The following ANO4 variants were observed in gnomAD, a reference collection of about 807,000 sequenced individuals.
The protein encoded by ANO4 is anoctamin 4, also known as anoctamin-4.
ANO4 carries 69 observed loss-of-function variants against 141.9 expected under a neutral mutation model. That is an observed-to-expected ratio of 0.49 (90% CI 0.40 to 0.59). The LOEUF (loss-of-function observed/expected upper bound fraction) is 0.59. Among genes scored for constraint, ANO4 ranks in the 20% least tolerant of loss-of-function variants. ANO4 has a pLI of 0.00. For missense variants in ANO4, 894 were observed against 1,162.2 expected, an observed-to-expected ratio of 0.77 and a Z score of 3.36; for synonymous variants, 350 against 394.3, an observed-to-expected ratio of 0.89 and a Z score of 1.33.
At chr12:101,000,041 T>G (rs1006151302) in intron 8 of ANO4, among the ~76,000 whole-genome samples, 3 of 134,310 alleles carry the variant, frequency 2.2e-5, no homozygotes, top group African/African-American at 8.4e-5. Flanking sequence ...AGAGCGAGAC[T>G]CCATCTTAAA....
At chr12:100,927,265 C>T (rs114791952) in intron 3 of ANO4, among the ~76,000 whole-genome samples, 3,342 of 152,052 alleles carry the variant, frequency 0.022, 128 homozygotes, top group African/African-American at 0.076. Flanking sequence ...AAATTGTCCA[C>T]GAAGCCGGTG....
In ANO4 at chr12:100,838,347, T is replaced by G. The variant is rs145259099; in HGVS notation, c.-141+43320T>G. Among the ~76,000 whole-genome samples, 378 of 152,158 alleles carry G rather than the reference T, an allele frequency of 2.5e-3. 2 individuals carry two copies. Among genetic ancestry groups the G allele is most frequent in the Middle Eastern group, 6.8e-3 (2 of 294 alleles). ...GGGTGCCACCTTGGCAGGAGTTGAC[T>G]GAGCCTCAAGGTTTGTTTGGTTTTT... On this transcript the variant is annotated intron_variant, in intron 1 of 27. Coordinates refer to ENST00000392977, the MANE Select transcript of ANO4 (RefSeq NM_001286615.2).
intron 9 of ANO4, among the ~76,000 whole-genome samples, chr12:101,035,116 T>G (rs2047142479): frequency 6.6e-6 from 1 of 152,190 alleles, no homozygotes; most frequent in Admixed American, 6.6e-5. Flanking sequence ...CAGCTTAATT[T>G]GTAATAGCCC....
At chr12:100,778,384 G>A (rs2033603454) in intron 3 of ANO4, among the ~76,000 whole-genome samples, 1 of 152,142 alleles carries the variant, frequency 6.6e-6, no homozygotes, top group Non-Finnish European at 1.5e-5. Context: ...AGGTAGACAA[G>A]TATAATTTAA....
intron 5 of ANO4, among the ~76,000 whole-genome samples, chr12:100,969,178 T>C (rs1189456265): frequency 6.6e-6 from 1 of 152,174 alleles, no homozygotes. Context: ...ACTAATCATG[T>C]TCATGGATTA....
intron 1 of ANO4, among the ~76,000 whole-genome samples, chr12:100,846,332 G>C (rs2037558323): frequency 6.6e-6 from 1 of 152,114 alleles, no homozygotes; most frequent in Admixed American, 6.5e-5. Flanking sequence ...GATAATTATT[G>C]ATTCATATAA....
At chr12:101,034,980 A>G (rs1469253940) in intron 9 of ANO4, among the ~76,000 whole-genome samples, 3 of 152,194 alleles carry the variant, frequency 2.0e-5, no homozygotes, top group Non-Finnish European at 4.4e-5. Context: ...TTAAGAAAAC[A>G]GTGTGGCAGT....
Position 100,788,666 on chromosome 12 carries a change from C to T in ANO4, c.358+48561C>T, listed in dbSNP as rs146142794. On this transcript the variant is annotated intron_variant, in intron 3 of 29. Transcript: ENST00000644049. ...GGAACAGTTGCATAAACATTGGTCA[C>T]GCTGTAAATATTCAAGAAATCCATC... is the stretch of plus-strand genomic sequence containing the variant. Among the ~76,000 whole-genome samples the T allele has an allele frequency of 1.5e-3, 228 of 152,198 alleles. 1 individual carries two copies. The highest frequency in any genetic ancestry group is 2.2e-3 in the Non-Finnish European group (151 of 68,016).
At chr12:100,817,897 G>A (rs2035822943) in intron 1 of ANO4, among the ~76,000 whole-genome samples, 1 of 151,666 alleles carries the variant, frequency 6.6e-6, no homozygotes, top group Non-Finnish European at 1.5e-5. Context: ...TAATTTTTTT[G>A]TTTTACAGTT....
chr12:100,822,832 G>C (rs1274080035), intron 1 of ANO4, among the ~76,000 whole-genome samples: 1 of 151,834 alleles, frequency 6.6e-6, no homozygotes, highest in Non-Finnish European at 1.5e-5. Context: ...CTTCCTTTGT[G>C]GTAACTTTAG....
intron 9 of ANO4, among the ~76,000 whole-genome samples, chr12:101,024,830 A>G (rs566701323): frequency 6.6e-6 from 1 of 152,318 alleles, no homozygotes; most frequent in East Asian, 1.9e-4. Flanking sequence ...TGTTTTTCTT[A>G]GATATTTAGT....
intron 1 of ANO4, among the ~76,000 whole-genome samples, chr12:100,896,041 T>C (rs999749956): frequency 3.3e-5 from 5 of 151,512 alleles, no homozygotes; most frequent in Non-Finnish European, 7.4e-5. Flanking sequence ...AGATAAGGAG[T>C]GCATAACATC....
intron 11 of ANO4, among the ~76,000 whole-genome samples, chr12:101,041,255 T>C (rs1170374387): frequency 1.3e-5 from 2 of 152,234 alleles, no homozygotes; most frequent in Non-Finnish European, 1.5e-5. Flanking sequence ...TGAGCCCTTA[T>C]CACCAAGTGT....
chr12:100,908,188 A>G (rs1396727340), intron 2 of ANO4, among the ~76,000 whole-genome samples: 18 of 152,144 alleles, frequency 1.2e-4, no homozygotes, highest in Admixed American at 1.1e-3. Flanking sequence ...TCTCTCTACT[A>G]AAAATACAAA....
intron 5 of ANO4, among the ~76,000 whole-genome samples, chr12:100,960,681 ATTC>A (rs1332683757): frequency 6.6e-6 from 1 of 152,092 alleles, no homozygotes; most frequent in Non-Finnish European, 1.5e-5. Flanking sequence ...AAGACACCAA[ATTC>A]TTCTGTCTTT....
At chr12:100,850,345 A>G (rs962328503) in intron 1 of ANO4, among the ~76,000 whole-genome samples, 62 of 152,316 alleles carry the variant, frequency 4.1e-4, no homozygotes, top group African/African-American at 1.3e-3. Flanking sequence ...GTCATGCCCA[A>G]TGAGGAGAGT....
chr12:100,757,218 C>T (rs2032650930), intron 3 of ANO4, among the ~76,000 whole-genome samples: 1 of 152,160 alleles, frequency 6.6e-6, no homozygotes, highest in Admixed American at 6.5e-5. Flanking sequence ...AGTCTATCTC[C>T]TTCTATCCCC....
At chr12:101,027,504 G>A (rs749699754) in intron 9 of ANO4, among the ~76,000 whole-genome samples, 1 of 152,222 alleles carries the variant, frequency 6.6e-6, no homozygotes, top group Non-Finnish European at 1.5e-5. Context: ...ATAACTCCAG[G>A]CCATGCTTTT....
At chr12:100,867,771 G>A (rs1250281149) in intron 1 of ANO4, among the ~76,000 whole-genome samples, 1 of 152,134 alleles carries the variant, frequency 6.6e-6, no homozygotes, top group Non-Finnish European at 1.5e-5. Context: ...TACATTCTTT[G>A]AGTCCTGGAT....
Sources: gnomAD v4.1 joint callset for allele counts (sites outside exome capture counted in the v4.1 genomes callset) on GRCh38, gnomAD v4.1.1 for gene constraint, MANE v1.5 for transcripts, NCBI Gene and HGNC (gene_info 2026-07-23, HGNC 2026-07-21) for gene names.